KCNH1: variants seen among roughly 807,000 people sequenced by gnomAD.
The protein encoded by KCNH1 is potassium voltage-gated channel subfamily H member 1.
KCNH1 carries 27 observed loss-of-function variants against 69.2 expected under a neutral mutation model. That is an observed-to-expected ratio of 0.39 (90% CI 0.29 to 0.54). The LOEUF (loss-of-function observed/expected upper bound fraction) is 0.54, where lower values mean the gene tolerates loss of function less well. Among genes scored for constraint, KCNH1 ranks in the 20% least tolerant of loss-of-function variants. KCNH1 has a pLI of 0.68. For missense variants in KCNH1, 798 were observed against 1,261.6 expected, an observed-to-expected ratio of 0.63 and a Z score of 5.57; for synonymous variants, 456 against 487.7, an observed-to-expected ratio of 0.93 and a Z score of 0.86.
At chr1:210,819,299 C>A (rs1247394979) in intron 7 of KCNH1, among the ~76,000 whole-genome samples, 1 of 151,902 alleles carries the variant, frequency 6.6e-6, no homozygotes, top group Non-Finnish European at 1.5e-5. Flanking sequence ...CTTTTTCTTA[C>A]TTGAAAGAGG....
intron 9 of KCNH1, among the ~76,000 whole-genome samples, chr1:210,783,912 A>C (rs1296795351): frequency 1.3e-5 from 2 of 152,190 alleles, no homozygotes; most frequent in South Asian, 4.2e-4. Context: ...GGTATATACA[A>C]AGGTGCTTTT....
chr1:211,088,611 A>G (rs561455128), intron 4 of KCNH1, among the ~76,000 whole-genome samples: 37 of 152,356 alleles, frequency 2.4e-4, no homozygotes, highest in African/African-American at 8.7e-4. Flanking sequence ...ATTTGAGATG[A>G]TAGACTTATA....
rs1004719865 is a variant in KCNH1, at chr1:211,105,589, A to AC, written c.203+1664_203+1665insG. On this transcript the variant is annotated intron_variant, in intron 2 of 10. Transcript: ENST00000271751. Reference sequence around the variant, plus strand: ...GAGAAGGGATACCTTCGGGTAATTCAATAAGTTGCTAAAAACTGTGCATAA... The same window carrying AC: ...GAGAAGGGATACCTTCGGGTAATTCACATAAGTTGCTAAAAACTGTGCATAA... 4.1e-3 allele frequency among the ~76,000 whole-genome samples: 632 copies of AC among 152,342 alleles called. 4 individuals carry two copies. The highest frequency in any genetic ancestry group is 0.014 in the African/African-American group (591 of 41,580).
intron 6 of KCNH1, among the ~76,000 whole-genome samples, chr1:211,013,329 T>C (rs1016316812): frequency 3.9e-5 from 6 of 152,120 alleles, no homozygotes; most frequent in South Asian, 2.1e-4. Context: ...CAATGACACC[T>C]TGGAGTCAGT....
intron 10 of KCNH1, among the ~76,000 whole-genome samples, chr1:210,685,778 A>G (rs1250873278): frequency 2.6e-5 from 4 of 152,316 alleles, no homozygotes; most frequent in South Asian, 2.1e-4. Flanking sequence ...GCCCCATGCT[A>G]TCACCAGCAG....
At chr1:210,888,568 C>T (rs1203529667) in intron 7 of KCNH1, among the ~76,000 whole-genome samples, 3 of 152,040 alleles carry the variant, frequency 2.0e-5, no homozygotes, top group Non-Finnish European at 4.4e-5. Context: ...GCGAGCAGAA[C>T]TGAAGGAGAC....
At chr1:210,884,528 G>A (rs1456039870) in intron 7 of KCNH1, among the ~76,000 whole-genome samples, 2 of 152,172 alleles carry the variant, frequency 1.3e-5, no homozygotes, top group African/African-American at 4.8e-5. Flanking sequence ...CATGGAGCTA[G>A]GCCCTCAAAC....
chr1:211,126,047 G>C (rs1691770848), intron 1 of KCNH1, among the ~76,000 whole-genome samples: 1 of 152,162 alleles, frequency 6.6e-6, no homozygotes. Context: ...GCTGAAGTTG[G>C]CCAGACTGTG....
At chr1:211,115,192 T>C (rs746962235) in intron 1 of KCNH1, among the ~76,000 whole-genome samples, 20 of 152,194 alleles carry the variant, frequency 1.3e-4, no homozygotes, top group Admixed American at 4.6e-4. Context: ...ATTCACCATG[T>C]TGGTGAGGCA....
chr1:211,121,758 G>A (rs1571664369), intron 1 of KCNH1, among the ~76,000 whole-genome samples: 1 of 152,196 alleles, frequency 6.6e-6, no homozygotes, highest in Admixed American at 6.5e-5. Context: ...TACAGAATGG[G>A]AGAAAATTTT....
intron 7 of KCNH1, among the ~76,000 whole-genome samples, chr1:210,898,884 C>G (rs1355725001): frequency 1.3e-5 from 2 of 152,174 alleles, no homozygotes; most frequent in Non-Finnish European, 2.9e-5. Flanking sequence ...AGAAGCTAAG[C>G]TGAAGAGAGC....
At chr1:210,761,500 A>G (rs973411897) in intron 10 of KCNH1, among the ~76,000 whole-genome samples, 2 of 152,170 alleles carry the variant, frequency 1.3e-5, no homozygotes, top group Non-Finnish European at 2.9e-5. Flanking sequence ...CAAGAGACCC[A>G]TCTCACATGT....
chr1:210,804,298 AC>A (rs1378005252), intron 7 of KCNH1, 132 bp from the exon 8 acceptor site: 11 of 715,784 alleles, frequency 1.5e-5, no homozygotes, highest in African/African-American at 1.4e-4. Context: ...GACTGCCCTG[AC>A]TATTCTCAGG....
intron 10 of KCNH1, among the ~76,000 whole-genome samples, chr1:210,731,299 A>T (rs1682741969): frequency 6.6e-6 from 1 of 152,218 alleles, no homozygotes; most frequent in Non-Finnish European, 1.5e-5. Context: ...CTAGGTCTTA[A>T]CTTCACAGAG....
At chr1:211,128,356 C>T (rs1449546945) in intron 1 of KCNH1, among the ~76,000 whole-genome samples, 2 of 151,452 alleles carry the variant, frequency 1.3e-5, no homozygotes, top group African/African-American at 2.4e-5. Flanking sequence ...AATTGCCACC[C>T]GACAAAAGAA....
At chr1:210,896,361 G>T (rs1172310283) in intron 7 of KCNH1, among the ~76,000 whole-genome samples, 1 of 152,046 alleles carries the variant, frequency 6.6e-6, no homozygotes, top group African/African-American at 2.4e-5. Flanking sequence ...AAAAACCTGA[G>T]AAGTGACCAG....
chr1:210,887,628 G>A (rs1394802814), intron 7 of KCNH1, among the ~76,000 whole-genome samples: 1 of 151,016 alleles, frequency 6.6e-6, no homozygotes, highest in African/African-American at 2.4e-5. Context: ...AGACCCATCG[G>A]TGTGCTGTAT....
rs1223431010 is a variant in KCNH1 at position 210,890,501 on chromosome 1, A to T, written c.1462+29139T>A. Among the ~76,000 whole-genome samples the T allele has an allele frequency of 2.0e-5, 3 of 152,334 alleles. No homozygotes were observed. In the East Asian group the frequency reaches 5.8e-4, roughly 29 times the overall value. ...AGGCATGGGCAAACACTTCATGACT[A>T]AAACACCAAAAGCAATGGCAACAAA... is the stretch of plus-strand genomic sequence containing the variant. On this transcript the variant is annotated intron_variant, in intron 7 of 10. Coordinates refer to ENST00000271751, the MANE Select transcript of KCNH1 (RefSeq NM_172362.3).
intron 7 of KCNH1, among the ~76,000 whole-genome samples, chr1:210,817,066 G>A (rs1012285532): frequency 6.6e-6 from 1 of 152,102 alleles, no homozygotes; most frequent in Non-Finnish European, 1.5e-5. Flanking sequence ...TGAGTCTCTT[G>A]GTTTATCAAA....
Sources: allele counts gnomAD v4.1 joint callset (sites outside exome capture counted in the v4.1 genomes callset), GRCh38; gene constraint gnomAD v4.1.1; transcripts MANE v1.5; gene names NCBI Gene and HGNC (gene_info 2026-07-23, HGNC 2026-07-21).